Variants in RELN observed in about 807,000 individuals in gnomAD.
RELN encodes reelin.
In RELN, 108 loss-of-function variants were observed where a neutral mutation model predicts 427.6. The ratio of observed to expected loss-of-function variants is 0.25; its 90% CI spans 0.22 to 0.30. The LOEUF (loss-of-function observed/expected upper bound fraction) is 0.30. Among genes scored for constraint, RELN ranks in the 10% least tolerant of loss-of-function variants. The pLI is 1.00. For missense variants in RELN, 3,715 were observed against 4,302.8 expected (o/e 0.86, Z 3.82); for synonymous variants, 1,524 against 1,513.4 (o/e 1.01, Z -0.16).
At chr7:103,529,533 G>A (rs1251052812) in intron 46 of RELN, among the ~76,000 whole-genome samples, 1 of 152,020 alleles carries the variant, frequency 6.6e-6, no homozygotes, top group African/African-American at 2.4e-5. Context: ...TGCTATTTGA[G>A]CCACCTCTTA....
At chr7:103,814,012 C>T (rs1023611056) in intron 3 of RELN, among the ~76,000 whole-genome samples, 6 of 152,232 alleles carry the variant, frequency 3.9e-5, no homozygotes, top group African/African-American at 1.4e-4. Flanking sequence ...TCTTTCTCTA[C>T]CTTTACATAT....
At chr7:103,631,402 T>TCCTGCCTCAGCCTC (rs1459050474) in intron 19 of RELN, among the ~76,000 whole-genome samples, 1 of 148,326 alleles carries the variant, frequency 6.7e-6, no homozygotes, top group Non-Finnish European at 1.5e-5. Context: ...CAAGTGATTA[T>TCCTGCCTCAGCCTC]CCTGCCTCAG....
chr7:103,949,722 C>T (rs1174810133), intron 1 of RELN, among the ~76,000 whole-genome samples: 1 of 152,190 alleles, frequency 6.6e-6, no homozygotes, highest in African/African-American at 2.4e-5. Flanking sequence ...TCCTATATTA[C>T]AACCCTTCCT....
chr7:103,886,323 A>T (rs966611442), intron 2 of RELN, among the ~76,000 whole-genome samples: 1 of 152,200 alleles, frequency 6.6e-6, no homozygotes, highest in Non-Finnish European at 1.5e-5. Context: ...ATGCCTGATA[A>T]GATTTTTTTC....
At chr7:103,738,243 T>C (rs979713730) in intron 6 of RELN, among the ~76,000 whole-genome samples, 2 of 151,710 alleles carry the variant, frequency 1.3e-5, no homozygotes, top group East Asian at 1.9e-4. Context: ...ATAACTTAAG[T>C]AAAACAAAGA....
chr7:103,807,591 C>A (rs1166568746), intron 3 of RELN, among the ~76,000 whole-genome samples: 1 of 152,076 alleles, frequency 6.6e-6, no homozygotes, highest in Non-Finnish European at 1.5e-5. Context: ...GATAGGTAGC[C>A]TGCCAATCTA....
chr7:103,694,870 G>A (rs1473466440), intron 10 of RELN, among the ~76,000 whole-genome samples: 1 of 149,118 alleles, frequency 6.7e-6, no homozygotes, highest in Non-Finnish European at 1.5e-5. Context: ...TCTCTATGTT[G>A]TCCAGGCAAG....
chr7:103,549,253 C>A (rs1042844275), intron 41 of RELN, among the ~76,000 whole-genome samples: 1 of 152,196 alleles, frequency 6.6e-6, no homozygotes, highest in Non-Finnish European at 1.5e-5. Flanking sequence ...AAGGAGCCAG[C>A]ACCTCAGTGT....
intron 3 of RELN, among the ~76,000 whole-genome samples, chr7:103,820,255 A>T (rs1055878080): frequency 2.6e-5 from 4 of 152,042 alleles, no homozygotes; most frequent in Non-Finnish European, 2.9e-5. Context: ...AACACCAGAA[A>T]ATCATCAACG....
At position 103,574,169 on chromosome 7, in the gene RELN, G is replaced by C. The variant is rs375118721; in HGVS notation, c.4434C>G (p.Asn1478Lys). 143 of 1,614,042 alleles carry C rather than the reference G, an allele frequency of 8.9e-5. No homozygotes were observed. Among genetic ancestry groups the C allele is most frequent in the Admixed American group, 8.3e-5 (5 of 60,000 alleles). ...AQVGTGCGTL[N>K]DGKSLYFNGP... Reference sequence around the variant, plus strand: ...CATTGAAGTAGAGAGATTTGCCATCGTTAAGTGTTCCACAGCCAGTTCCAA... The same window carrying C: ...CATTGAAGTAGAGAGATTTGCCATCCTTAAGTGTTCCACAGCCAGTTCCAA... Residue 1478 changes from asparagine (N) to lysine (K), a missense_variant, in exon 30 of 65, where the codon AAC (asparagine) becomes AAG (lysine). Physicochemically the swap from Asn to Lys is moderately conservative, Grantham distance 94 (BLOSUM62 0). Transcript: ENST00000428762.
chr7:103,859,445 C>A lies in RELN; in HGVS notation c.338-25773G>T, dbSNP rs1377369599. On this transcript the variant is annotated intron_variant, in intron 2 of 64. Coordinates refer to ENST00000428762, the MANE Select transcript of RELN (RefSeq NM_005045.4). ...AGTAGCTGGGACTACAGGCACCCAC[C>A]ACCACGCCTGGCTAATTTTTTGTAT... is the stretch of plus-strand genomic sequence containing the variant. 2.0e-5 allele frequency among the ~76,000 whole-genome samples: 3 copies of A among 152,068 alleles called. No individual in the cohort carries two copies. The South Asian group carries it at 6.2e-4, about 32-fold the overall frequency.
chr7:103,619,286 G>A (rs1341367706), intron 20 of RELN, among the ~76,000 whole-genome samples: 1 of 152,234 alleles, frequency 6.6e-6, no homozygotes, highest in South Asian at 2.1e-4. Flanking sequence ...TGGCCATGAT[G>A]ACCACAAATG....
Position 103,939,615 on chromosome 7 carries a change from G to A in RELN, c.227-22430C>T, listed in dbSNP as rs567876979. Among the ~76,000 whole-genome samples, 5 of 152,218 alleles carry A rather than the reference G, an allele frequency of 3.3e-5. No homozygotes were observed. The South Asian group carries it at 1.0e-3, about 32-fold the overall frequency. On this transcript the variant is annotated intron_variant, in intron 1 of 64. Coordinates refer to ENST00000428762, the MANE Select transcript of RELN (RefSeq NM_005045.4). ...GACCTTTAAAATAATCATGCTCCTT[G>A]ATCTAGCAATTACACTTTTACAAAT...
At chr7:103,596,347 A>G in intron 25 of RELN, 109 bp downstream of exon 25, 1 of 915,294 alleles carries the variant, frequency 1.1e-6, no homozygotes, top group Non-Finnish European at 1.8e-6. Context: ...TTAAATTTTT[A>G]TAGGTTTGTC....
intron 38 of RELN, 111 bp downstream of exon 38, chr7:103,556,866 C>T (rs1033708104): frequency 2.2e-5 from 19 of 875,388 alleles, no homozygotes; most frequent in Non-Finnish European, 3.0e-5. Context: ...AATGTGTGTG[C>T]TGTGGACAGC....
At chr7:103,538,257 T>A (rs1295388303) in intron 45 of RELN, among the ~76,000 whole-genome samples, 2 of 152,182 alleles carry the variant, frequency 1.3e-5, no homozygotes, top group South Asian at 4.1e-4. Flanking sequence ...AATTTCTGCC[T>A]CCCCTCTACC....
chr7:103,569,961 T>C lies in RELN; in HGVS notation c.4588+2223A>G, dbSNP rs756171277. Among the ~76,000 whole-genome samples the C allele has an allele frequency of 6.6e-6, 1 of 152,238 alleles. No individual in the cohort carries two copies. The highest frequency in any genetic ancestry group is 2.4e-5 in the African/African-American group (1 of 41,460). ...AATTTTGATTTTAATTCCAAATATG[T>C]AAATTGATGCTTCAGCTTGAGTAAG... On this transcript the variant is annotated intron_variant, in intron 31 of 64. Transcript: ENST00000428762. The surrounding 1 kb of genome is among the most constrained non-coding windows in gnomAD (Gnocchi z 4.0).
At chr7:103,584,692 T>C (rs916283841) in intron 28 of RELN, among the ~76,000 whole-genome samples, 1 of 152,064 alleles carries the variant, frequency 6.6e-6, no homozygotes, top group South Asian at 2.1e-4. Context: ...TGGACTTAAA[T>C]TGGACTCTAT....
At chr7:103,493,619 G>T (rs1454363166) in intron 57 of RELN, among the ~76,000 whole-genome samples, 6 of 152,142 alleles carry the variant, frequency 3.9e-5, no homozygotes, top group Non-Finnish European at 7.4e-5. Context: ...GGAGAGAGAA[G>T]AAAGTTGATA....
Sources: allele counts gnomAD v4.1 joint callset (sites outside exome capture counted in the v4.1 genomes callset), GRCh38; gene constraint gnomAD v4.1.1; non-coding constraint Gnocchi (gnomAD v3.1); transcripts MANE v1.5; gene names NCBI Gene and HGNC (gene_info 2026-07-23, HGNC 2026-07-21).